LRP1B: variants seen among roughly 807,000 people sequenced by gnomAD.
LRP1B encodes the protein low-density lipoprotein receptor-related protein 1B.
A neutral mutation model predicts 556.6 loss-of-function variants in LRP1B; 217 were observed. That is an observed-to-expected ratio of 0.39 (90% CI 0.35 to 0.44). The LOEUF (loss-of-function observed/expected upper bound fraction) is 0.44, where lower values mean the gene tolerates loss of function less well. Among genes scored for constraint, LRP1B ranks in the 20% least tolerant of loss-of-function variants. The probability of loss-of-function intolerance (pLI) is 1.00; values close to 1 mark genes in which losing one functional copy is unlikely to be tolerated. For synonymous variants in LRP1B, 2,047 were observed against 1,865.8 expected, an observed-to-expected ratio of 1.10 and a Z score of -2.50; for missense variants, 5,053 against 5,620.8, an observed-to-expected ratio of 0.90 and a Z score of 3.23.
rs1438180795 is a variant in LRP1B at position 140,315,019 on chromosome 2, G to T, written c.12721C>A (p.Pro4241Thr). Residue 4241 changes from proline to threonine, a missense_variant, in exon 83 of 91, where the codon CCC (proline) becomes ACC (threonine). Around this residue, in one of 5 missense-constraint regions of LRP1B, gnomAD observed 551 missense variants for 592.0 expected, o/e 0.93. Transcript: ENST00000389484. ...TCACATCTTTCTCCTGAATAACTGGGCCAACAGTGACACCTCAAATCACCT... is the reference window on the plus strand; with the variant it reads ...TCACATCTTTCTCCTGAATAACTGGTCCAACAGTGACACCTCAAATCACCT... ...EKGDLRCHCW[P>T]SYSGERCEVN... 1 of 1,611,236 alleles carries T rather than the reference G, an allele frequency of 6.2e-7. No homozygotes were observed. The highest frequency in any genetic ancestry group is 1.1e-5 in the South Asian group (1 of 90,764).
At chr2:142,104,142 G>A (rs139698777) in intron 1 of LRP1B, among the ~76,000 whole-genome samples, 231 of 152,212 alleles carry the variant, frequency 1.5e-3, no homozygotes, top group African/African-American at 5.0e-3. Context: ...TTAGTGGTGC[G>A]GAAGAGGGAT....
At chr2:142,042,354 T>C (rs1226881875) in intron 1 of LRP1B, among the ~76,000 whole-genome samples, 1 of 151,424 alleles carries the variant, frequency 6.6e-6, no homozygotes, top group Non-Finnish European at 1.5e-5. Flanking sequence ...TTGTGTTCGT[T>C]GGTGAAGGCT....
intron 55 of LRP1B, 144 bp from the exon 56 acceptor site, chr2:140,495,892 G>T: frequency 1.6e-6 from 1 of 611,184 alleles, no homozygotes. Flanking sequence ...GACCTTTGAT[G>T]GGAATTATGT....
intron 2 of LRP1B, among the ~76,000 whole-genome samples, chr2:141,535,159 G>A (rs1685029674): frequency 6.6e-6 from 1 of 152,072 alleles, no homozygotes; most frequent in African/African-American, 2.4e-5. Flanking sequence ...CTTAGCGTCT[G>A]CTGGTAACAC....
At chr2:141,568,053 G>C (rs926513673) in intron 2 of LRP1B, among the ~76,000 whole-genome samples, 2 of 150,972 alleles carry the variant, frequency 1.3e-5, no homozygotes, top group East Asian at 3.9e-4. Context: ...ACTGTCCAGA[G>C]TCATGCTAAG....
At chr2:141,663,601 C>T (rs565195458) in intron 2 of LRP1B, among the ~76,000 whole-genome samples, 1 of 152,184 alleles carries the variant, frequency 6.6e-6, no homozygotes, top group Non-Finnish European at 1.5e-5. Flanking sequence ...GAAATGGATA[C>T]ATTTCTGGAC....
At chr2:140,593,498 AT>A (rs915204184) in intron 43 of LRP1B, among the ~76,000 whole-genome samples, 2 of 152,144 alleles carry the variant, frequency 1.3e-5, no homozygotes, top group Non-Finnish European at 2.9e-5. Flanking sequence ...TATTTTCTGG[AT>A]TTTTTTGCCT....
chr2:140,253,225 A>G (rs541834883), intron 86 of LRP1B, among the ~76,000 whole-genome samples: 19 of 152,200 alleles, frequency 1.2e-4, no homozygotes, highest in Admixed American at 2.6e-4. Flanking sequence ...AGTAAGTCAA[A>G]ACTAAATTGT....
At position 140,535,407 on chromosome 2, in the gene LRP1B, A is replaced by G. The variant is rs116159878; in HGVS notation, c.7642+1174T>C. ...TCTTTAAGACATTGGTTACACATCA[A>G]TTATGGACAAATTACATTAGACTCT... is the stretch of plus-strand genomic sequence containing the variant. On this transcript the variant is annotated intron_variant, in intron 46 of 90. Transcript: ENST00000389484. Among the ~76,000 whole-genome samples the G allele has an allele frequency of 5.8e-3, 883 of 152,282 alleles. 8 individuals carry two copies. Among genetic ancestry groups the G allele is most frequent in the African/African-American group, 0.02 (838 of 41,570 alleles).
Position 140,602,564 on chromosome 2 carries a change from C to T in LRP1B, c.6800-925G>A, listed in dbSNP as rs556348018. ...ACATTATTACAGACAGAGCATTTCC[C>T]CTGCTTTTCTCTCAAAGAATCCCTA... On this transcript the variant is annotated intron_variant, in intron 41 of 90. Coordinates refer to ENST00000389484, the MANE Select transcript of LRP1B (RefSeq NM_018557.3). Among the ~76,000 whole-genome samples, 14 of 152,036 alleles carry T rather than the reference C, an allele frequency of 9.2e-5. No individual in the cohort carries two copies. The East Asian group carries it at 1.7e-3, about 19-fold the overall frequency.
rs139954132 is a variant in LRP1B at position 140,572,852 on chromosome 2, C to T, written c.7194+25779G>A. Among the ~76,000 whole-genome samples the T allele has an allele frequency of 3.0e-3, 402 of 134,596 alleles. 2 individuals carry two copies. The highest frequency in any genetic ancestry group is 0.011 in the African/African-American group (375 of 33,500). The allele number at this position is 134,596 out of a possible 152,430, so 88.3% of individuals were successfully genotyped here. A position where few individuals can be genotyped will look rare whatever the true frequency, so the allele number is the denominator to read the frequency against. Reference sequence around the variant, plus strand: ...TAAAATAAAATAAAACACTATCATTCATGGCAACATGGAAGTTTGTAGGAC... The same window carrying T: ...TAAAATAAAATAAAACACTATCATTTATGGCAACATGGAAGTTTGTAGGAC... On this transcript the variant is annotated intron_variant, in intron 43 of 90. Transcript: ENST00000389484.
intron 1 of LRP1B, among the ~76,000 whole-genome samples, chr2:141,899,815 C>T (rs760403928): frequency 1.8e-4 from 27 of 152,016 alleles, no homozygotes; most frequent in Non-Finnish European, 3.2e-4. Flanking sequence ...TTTCCAAGAA[C>T]GCTTCAGCTT....
chr2:141,046,976 G>A lies in LRP1B; in HGVS notation c.1789+2010C>T, dbSNP rs1261149630. The stretch of plus-strand genomic sequence containing the variant: ...GCACACCTGCAATCCCAGCTCCTCA[G>A]GAGGCTGAGGCAAGGGAATCACTTA... On this transcript the variant is annotated intron_variant, in intron 11 of 90. Transcript: ENST00000389484. Among the ~76,000 whole-genome samples the A allele has an allele frequency of 6.8e-5, 10 of 147,312 alleles. No individual in the cohort carries two copies. In the East Asian group the frequency reaches 1.8e-3, roughly 27 times the overall value.
intron 2 of LRP1B, among the ~76,000 whole-genome samples, chr2:141,756,527 G>C (rs1694323640): frequency 7.0e-6 from 1 of 142,536 alleles, no homozygotes; most frequent in Non-Finnish European, 1.5e-5. Context: ...CTTAAATCAT[G>C]ATTAAATCTC....
At chr2:140,953,825 G>T (rs1182460512) in intron 18 of LRP1B, among the ~76,000 whole-genome samples, 1 of 152,128 alleles carries the variant, frequency 6.6e-6, no homozygotes, top group Non-Finnish European at 1.5e-5. Context: ...AATGATACAT[G>T]TATCTCCTTA....
Position 142,027,159 on chromosome 2 carries a change from C to T in LRP1B, c.82+103489G>A, listed in dbSNP as rs375437662. On this transcript the variant is annotated intron_variant, in intron 1 of 90. Coordinates refer to ENST00000389484, the MANE Select transcript of LRP1B (RefSeq NM_018557.3). ...ATATCTGGCCATGTGAATACTGCTT[C>T]CCATGGAGAGTGGTCAGACTGCTGT... is the stretch of plus-strand genomic sequence containing the variant. Among the ~76,000 whole-genome samples the T allele has an allele frequency of 4.1e-4, 63 of 151,972 alleles. 1 individual carries two copies. Among genetic ancestry groups the T allele is most frequent in the African/African-American group, 1.4e-3 (59 of 41,502 alleles).
chr2:141,532,482 A>G (rs1386418268), intron 2 of LRP1B, among the ~76,000 whole-genome samples: 7 of 151,416 alleles, frequency 4.6e-5, no homozygotes, highest in African/African-American at 1.5e-4. Context: ...AAGAGTGATT[A>G]TAACGACTCA....
chr2:141,991,030 G>A (rs1702329276), intron 1 of LRP1B, among the ~76,000 whole-genome samples: 1 of 151,878 alleles, frequency 6.6e-6, no homozygotes. Context: ...CTTTTTCAGA[G>A]TAAATATTCT....
chr2:142,100,492 C>T (rs1436066224), intron 1 of LRP1B, among the ~76,000 whole-genome samples: 2 of 152,052 alleles, frequency 1.3e-5, no homozygotes, highest in East Asian at 1.9e-4. Context: ...GTAAATTCTG[C>T]CCCTTTCATT....
Sources: gnomAD v4.1 joint callset for allele counts (sites outside exome capture counted in the v4.1 genomes callset) on GRCh38, gnomAD v4.1.1 for gene constraint, gnomAD v4.1.1 regional missense constraint, MANE v1.5 for transcripts, NCBI Gene and HGNC (gene_info 2026-07-23, HGNC 2026-07-21) for gene names.